The following RBFOX1 variants were observed in gnomAD, a reference collection of about 807,000 sequenced individuals.
RBFOX1 encodes RNA binding fox-1 homolog 1, also known as RNA binding protein fox-1 homolog 1.
In RBFOX1, 8 loss-of-function variants were observed where a neutral mutation model predicts 57.7. That is an observed-to-expected ratio of 0.14 (90% CI 0.08 to 0.25). The LOEUF (loss-of-function observed/expected upper bound fraction) is 0.25, where lower values mean the gene tolerates loss of function less well. RBFOX1 is among the 10% of genes least tolerant of loss of function. The pLI, the probability that RBFOX1 is intolerant of heterozygous loss-of-function variation, is 1.00. For missense variants in RBFOX1, 611 were observed against 548.5 expected, an observed-to-expected ratio of 1.11 and a Z score of -1.14; for synonymous variants, 326 against 222.4, an observed-to-expected ratio of 1.47 and a Z score of -4.15.
At chr16:5,763,981 A>G (rs531839927) in intron 3 of RBFOX1, among the ~76,000 whole-genome samples, 4 of 152,176 alleles carry the variant, frequency 2.6e-5, no homozygotes, top group Admixed American at 6.5e-5. Flanking sequence ...CTATGCTAGA[A>G]CACATGCACC....
chr16:6,609,420 C>G (rs1021516308), intron 2 of RBFOX1, among the ~76,000 whole-genome samples: 1 of 152,098 alleles, frequency 6.6e-6, no homozygotes, highest in African/African-American at 2.4e-5. Flanking sequence ...TCTCAGCTCA[C>G]TGCAATCTCC....
At chr16:6,927,136 TTA>T (rs1491290034) in intron 3 of RBFOX1, among the ~76,000 whole-genome samples, 1 of 152,066 alleles carries the variant, frequency 6.6e-6, no homozygotes, top group African/African-American at 2.4e-5. Context: ...CCCTAGAGAC[TTA>T]GAGGGTCCCC....
chr16:5,445,244 G>A (rs554911314), intron 1 of RBFOX1, among the ~76,000 whole-genome samples: 1 of 152,300 alleles, frequency 6.6e-6, no homozygotes, highest in South Asian at 2.1e-4. Flanking sequence ...CAAATATTTA[G>A]AGGTGAAAAT....
intron 3 of RBFOX1, among the ~76,000 whole-genome samples, chr16:6,759,460 A>G (rs1279329545): frequency 6.8e-6 from 1 of 146,930 alleles, no homozygotes; most frequent in Admixed American, 6.8e-5. Flanking sequence ...TCATTTCTTG[A>G]TATGTCAGTT....
chr16:7,622,884 G>A (rs931702867), intron 10 of RBFOX1, among the ~76,000 whole-genome samples: 1 of 152,192 alleles, frequency 6.6e-6, no homozygotes, highest in African/African-American at 2.4e-5. Flanking sequence ...TGGTGTAAAA[G>A]CATTAGGGAT....
At chr16:7,567,779 A>C (rs2092255314) in intron 5 of RBFOX1, among the ~76,000 whole-genome samples, 1 of 147,918 alleles carries the variant, frequency 6.8e-6, no homozygotes, top group Non-Finnish European at 1.5e-5. Context: ...CCCTCTCTAT[A>C]TATATCCATA....
chr16:5,999,774 T>C (rs1168477897), intron 4 of RBFOX1, among the ~76,000 whole-genome samples: 1 of 145,062 alleles, frequency 6.9e-6, no homozygotes. Context: ...GGCAGGAGAA[T>C]GGCGTGAACC....
chr16:7,049,380 T>G (rs2049152980), intron 3 of RBFOX1, among the ~76,000 whole-genome samples: 1 of 152,136 alleles, frequency 6.6e-6, no homozygotes, highest in South Asian at 2.1e-4. Flanking sequence ...TTGCCACTGT[T>G]GTTTATACAT....
At chr16:5,663,387 T>TA (rs1225485539) in intron 3 of RBFOX1, among the ~76,000 whole-genome samples, 1 of 151,662 alleles carries the variant, frequency 6.6e-6, no homozygotes, top group Non-Finnish European at 1.5e-5. Flanking sequence ...TTTTTTTTTT[T>TA]AGAAATGGGG....
rs142377307 is a variant in RBFOX1 at position 7,050,545 on chromosome 16, C to T, written c.-15-1512C>T. Among the ~76,000 whole-genome samples, 483 of 152,188 alleles carry T rather than the reference C, an allele frequency of 3.2e-3. 4 individuals are homozygous for T. The highest frequency in any genetic ancestry group is 0.015 in the East Asian group (75 of 5,148). ...CCTCCCAAAGTGCTGGGATTACAGG[C>T]ATGAGCAACCGTGCCTGGCCTTCCT... On this transcript the variant is annotated intron_variant, in intron 3 of 15. Transcript: ENST00000550418.
chr16:5,421,951 C>A (rs1020906944), intron 1 of RBFOX1, among the ~76,000 whole-genome samples: 4 of 152,130 alleles, frequency 2.6e-5, no homozygotes, highest in Admixed American at 2.6e-4. Context: ...CGAAAAGAGC[C>A]ATGATGCCTA....
intron 4 of RBFOX1, among the ~76,000 whole-genome samples, chr16:7,238,564 G>A (rs74458152): frequency 0.029 from 4,401 of 152,176 alleles, 87 homozygotes; most frequent in Middle Eastern, 0.058. Flanking sequence ...GCCTACTTCT[G>A]TGTTCTTCCC....
intron 3 of RBFOX1, among the ~76,000 whole-genome samples, chr16:6,693,267 C>T (rs1223250932): frequency 6.6e-6 from 1 of 151,758 alleles, no homozygotes; most frequent in Non-Finnish European, 1.5e-5. Context: ...TCCTCATCCA[C>T]TAACATCACC....
intron 4 of RBFOX1, among the ~76,000 whole-genome samples, chr16:7,181,609 C>T (rs958663337): frequency 3.9e-5 from 6 of 151,970 alleles, no homozygotes; most frequent in Admixed American, 3.9e-4. Context: ...GTTGCCCAGG[C>T]TGGAGTGCAG....
At chr16:7,422,774 A>G (rs928407529) in intron 4 of RBFOX1, 1 of 152,160 alleles carries the variant, frequency 6.6e-6, no homozygotes, top group African/African-American at 2.4e-5. Flanking sequence ...AGCTTGAGCA[A>G]AGCAGTGTGA....
chr16:5,358,626 C>T (rs1488469002), intron 1 of RBFOX1, among the ~76,000 whole-genome samples: 1 of 152,258 alleles, frequency 6.6e-6, no homozygotes, highest in Middle Eastern at 3.4e-3. Flanking sequence ...GAGTTTGAGA[C>T]CAGCCTGAAT....
At chr16:5,737,771 A>G (rs1176126023) in intron 3 of RBFOX1, among the ~76,000 whole-genome samples, 2 of 152,170 alleles carry the variant, frequency 1.3e-5, no homozygotes, top group African/African-American at 2.4e-5. Flanking sequence ...TACACTTTAA[A>G]TGGATGACAT....
intron 1 of RBFOX1, among the ~76,000 whole-genome samples, chr16:5,299,503 A>G (rs1180371413): frequency 1.3e-5 from 2 of 152,230 alleles, no homozygotes; most frequent in African/African-American, 4.8e-5. Context: ...TTCATGAGAA[A>G]CTGTTAAACA....
intron 3 of RBFOX1, among the ~76,000 whole-genome samples, chr16:6,978,375 A>G (rs2087697706): frequency 6.6e-6 from 1 of 152,204 alleles, no homozygotes; most frequent in Non-Finnish European, 1.5e-5. Context: ...AATTACTCAT[A>G]CAGACGTCAT....
Sources: allele counts gnomAD v4.1 joint callset (sites outside exome capture counted in the v4.1 genomes callset), GRCh38; gene constraint gnomAD v4.1.1; transcripts MANE v1.5; gene names NCBI Gene and HGNC (gene_info 2026-07-23, HGNC 2026-07-21).